Variants in DPY19L2 observed in about 807,000 individuals in gnomAD.
The protein encoded by DPY19L2 is probable C-mannosyltransferase DPY19L2.
Under a neutral mutation model 97.9 loss-of-function variants are expected in DPY19L2, and 34 were observed. The ratio of observed to expected loss-of-function variants is 0.35; its 90% confidence interval spans 0.26 to 0.46. The LOEUF is 0.46. Ranked by LOEUF, DPY19L2 falls within the 20% of genes least tolerant of loss-of-function variation. The pLI is 1.00. For missense variants in DPY19L2, 623 were observed against 911.4 expected (o/e 0.68, Z 4.07); for synonymous variants, 230 against 307.9 (o/e 0.75, Z 2.65).
rs908409852 is a variant in DPY19L2 at position 63,614,701 on chromosome 12, C to T, written c.1218+2603G>A. On this transcript the variant is annotated intron_variant, in intron 11 of 21. Transcript: ENST00000324472. ...GGATAGAAAGAGTTAAGTAAAAACC[C>T]TACATTCTTGAATTTGATTTGGAAA... Among the ~76,000 whole-genome samples the T allele has an allele frequency of 2.6e-4, 39 of 152,000 alleles. 1 individual carries two copies. The highest frequency in any genetic ancestry group is 7.7e-4 in the African/African-American group (32 of 41,376).
intron 7 of DPY19L2, among the ~76,000 whole-genome samples, chr12:63,625,587 A>G (rs899586758): frequency 2.0e-5 from 3 of 152,136 alleles, no homozygotes; most frequent in South Asian, 2.1e-4. Flanking sequence ...ATAAGCTTCT[A>G]TGAGCTCTTT....
At chr12:63,657,570 C>T (rs1332889847) in intron 4 of DPY19L2, among the ~76,000 whole-genome samples, 4 of 143,776 alleles carry the variant, frequency 2.8e-5, no homozygotes, top group Admixed American at 6.9e-5. Context: ...TTTTTTTTTT[C>T]CTGCCTGTTC....
intron 15 of DPY19L2, among the ~76,000 whole-genome samples, chr12:63,594,602 CGT>C (rs1019850394): frequency 7.3e-6 from 1 of 137,356 alleles, no homozygotes; most frequent in Non-Finnish European, 1.6e-5. Context: ...TGTGCGTGCA[CGT>C]GTGTGTGTAT....
intron 6 of DPY19L2, among the ~76,000 whole-genome samples, chr12:63,630,483 A>C (rs1003555670): frequency 6.6e-6 from 1 of 152,196 alleles, no homozygotes; most frequent in Non-Finnish European, 1.5e-5. Context: ...TAATTATATA[A>C]TGGTAAAGGG....
At chr12:63,616,182 G>A (rs896862170) in intron 11 of DPY19L2, among the ~76,000 whole-genome samples, 3 of 151,822 alleles carry the variant, frequency 2.0e-5, no homozygotes, top group African/African-American at 7.3e-5. Flanking sequence ...ACACGAAGGG[G>A]ACATTGTACT....
At chr12:63,630,053 G>C (rs1163014174) in intron 6 of DPY19L2, among the ~76,000 whole-genome samples, 1 of 152,096 alleles carries the variant, frequency 6.6e-6, no homozygotes, top group African/African-American at 2.4e-5. Flanking sequence ...CCCTAAAAGA[G>C]CTCCTGAAGG....
At position 63,573,978 on chromosome 12, in the gene DPY19L2, G is replaced by A. The variant is rs150391691; in HGVS notation, c.1901-3121C>T. The stretch of plus-strand genomic sequence containing the variant: ...GGACATTAATGAGGAAGAAATAATC[G>A]GAAGGTACAAAACTCACTGGTAATA... On this transcript the variant is annotated intron_variant, in intron 19 of 21. Coordinates refer to ENST00000324472, the MANE Select transcript of DPY19L2 (RefSeq NM_173812.5). Among the ~76,000 whole-genome samples the A allele has an allele frequency of 3.1e-3, 475 of 151,940 alleles. 1 individual carries two copies. Among genetic ancestry groups the A allele is most frequent in the Non-Finnish European group, 4.4e-3 (300 of 67,866 alleles).
chr12:63,654,308 TA>T (rs1258298841), intron 4 of DPY19L2, among the ~76,000 whole-genome samples: 1 of 151,796 alleles, frequency 6.6e-6, no homozygotes, highest in East Asian at 1.9e-4. Flanking sequence ...CTAGAACCAC[TA>T]AAAAAAGCTT....
intron 4 of DPY19L2, among the ~76,000 whole-genome samples, chr12:63,649,639 A>T (rs1270768358): frequency 1.3e-5 from 2 of 152,128 alleles, no homozygotes; most frequent in Non-Finnish European, 2.9e-5. Context: ...AAGAAATGAA[A>T]ACCCTGAATA....
chr12:63,580,443 G>C (rs568598314), intron 19 of DPY19L2, among the ~76,000 whole-genome samples: 8 of 152,082 alleles, frequency 5.3e-5, no homozygotes, highest in Admixed American at 2.0e-4. Context: ...TAATTATCTG[G>C]GAGGGGCTTA....
At chr12:63,588,432 A>G (rs920232076) in intron 16 of DPY19L2, among the ~76,000 whole-genome samples, 16 of 152,220 alleles carry the variant, frequency 1.1e-4, no homozygotes, top group African/African-American at 2.9e-4. Flanking sequence ...AGCCAGATGA[A>G]TAAGTTCGAG....
intron 11 of DPY19L2, among the ~76,000 whole-genome samples, chr12:63,613,661 G>A (rs1035704637): frequency 8.6e-5 from 13 of 151,384 alleles, no homozygotes; most frequent in Non-Finnish European, 7.4e-5. Flanking sequence ...CAAATAATTT[G>A]AAATAAAACA....
chr12:63,610,334 A>C (rs1301834643), intron 11 of DPY19L2, among the ~76,000 whole-genome samples: 2 of 151,510 alleles, frequency 1.3e-5, no homozygotes, highest in African/African-American at 4.8e-5. Context: ...TATCTTCCTC[A>C]TTGAAACATG....
intron 9 of DPY19L2, chr12:63,620,039 A>G: frequency 2.2e-6 from 1 of 448,030 alleles, no homozygotes; most frequent in South Asian, 1.6e-5. Context: ...TTTGTAGGCT[A>G]TTGGCAGCAT....
Position 63,668,352 on chromosome 12 carries a change from G to A in DPY19L2, c.42C>T (p.Ser14=), listed in dbSNP as rs11175111. 45,074 of 1,613,280 alleles carry A rather than the reference G, an allele frequency of 0.028. 1,601 individuals are homozygous for A. Among genetic ancestry groups the A allele is most frequent in the South Asian group, 0.11 (10,309 of 91,036 alleles). Reference sequence around the variant, plus strand: ...GCCGCCCCTTAGACTGGCTGCGGCCGGAAGATTGCAGCCGCTTTGAGCTTA... The same window carrying A: ...GCCGCCCCTTAGACTGGCTGCGGCCAGAAGATTGCAGCCGCTTTGAGCTTA... The part of the protein sequence containing the change: ...QGVSSKRLQS[S]GRSQSKGRRG... The change falls in exon 1 of 22, where the codon TCC becomes TCT. Residue 14 remains serine, a synonymous_variant. Transcript: ENST00000324472.
At chr12:63,584,719 A>C (rs1881485772) in intron 16 of DPY19L2, among the ~76,000 whole-genome samples, 2 of 152,184 alleles carry the variant, frequency 1.3e-5, no homozygotes, top group African/African-American at 4.8e-5. Context: ...TTCTGACTTA[A>C]TAATGGCCCC....
intron 6 of DPY19L2, among the ~76,000 whole-genome samples, chr12:63,635,027 C>T (rs1161714701): frequency 6.6e-6 from 1 of 152,168 alleles, no homozygotes; most frequent in Non-Finnish European, 1.5e-5. Flanking sequence ...TGGGAGGCAC[C>T]CCCCAGTAGG....
intron 19 of DPY19L2, among the ~76,000 whole-genome samples, chr12:63,576,402 T>G (rs1226183800): frequency 6.6e-6 from 1 of 151,890 alleles, no homozygotes; most frequent in Non-Finnish European, 1.5e-5. Flanking sequence ...GATGCTCACT[T>G]TTTACCACAT....
intron 12 of DPY19L2, among the ~76,000 whole-genome samples, chr12:63,604,473 A>G (rs1201393744): frequency 1.3e-5 from 2 of 151,992 alleles, no homozygotes; most frequent in Non-Finnish European, 2.9e-5. Context: ...TGAAATTTTG[A>G]TGATACAAAT....
Sources: gnomAD v4.1 joint callset for allele counts (sites outside exome capture counted in the v4.1 genomes callset) on GRCh38, gnomAD v4.1.1 for gene constraint, MANE v1.5 for transcripts, NCBI Gene and HGNC (gene_info 2026-07-23, HGNC 2026-07-21) for gene names.